PCYT1B: variants seen among roughly 807,000 people sequenced by gnomAD.
PCYT1B encodes phosphate cytidylyltransferase 1B, choline.
A neutral mutation model predicts 26.4 loss-of-function variants in PCYT1B; 10 were observed. That is an observed-to-expected ratio of 0.38 (90% CI 0.23 to 0.64). The LOEUF is 0.64. Among genes scored for constraint, PCYT1B ranks in the 30% least tolerant of loss-of-function variants. The probability of loss-of-function intolerance (pLI) is 0.56; values close to 1 mark genes in which losing one functional copy is unlikely to be tolerated. For missense variants in PCYT1B, 161 were observed against 292.7 expected (o/e 0.55, Z 3.28); for synonymous variants, 131 against 108.4 (o/e 1.21, Z -1.29).
chrX:24,576,381 G>A (rs1167445942), intron 6 of PCYT1B, among the ~76,000 whole-genome samples: 6 of 111,587 alleles, frequency 5.4e-5, no homozygotes, highest in African/African-American at 1.6e-4. Flanking sequence ...TCAGCTCACT[G>A]CAACCTCTGC....
chrX:24,656,235 G>GGA, intron 1 of PCYT1B, among the ~76,000 whole-genome samples: 1 of 99,599 alleles, frequency 1.0e-5, no homozygotes, highest in Non-Finnish European at 2.0e-5. Flanking sequence ...GTCGCGGGGG[G>GGA]GGGTGGTAAT....
chrX:24,571,894 G>A (rs1923840651), intron 7 of PCYT1B, among the ~76,000 whole-genome samples: 1 of 111,467 alleles, frequency 9.0e-6, no homozygotes. Context: ...GTTACAGTGA[G>A]TCATGATCAT....
intron 1 of PCYT1B, among the ~76,000 whole-genome samples, chrX:24,653,226 T>C (rs980828190): frequency 3.6e-5 from 4 of 111,798 alleles, no homozygotes; most frequent in African/African-American, 1.3e-4. Context: ...GTACTCTCTT[T>C]GGAGGAGATG....
intron 1 of PCYT1B, among the ~76,000 whole-genome samples, chrX:24,635,830 C>T (rs1166221414): frequency 1.8e-5 from 2 of 111,907 alleles, no homozygotes; most frequent in Non-Finnish European, 3.8e-5. Context: ...TTAATTACAG[C>T]TCTTCTATTT....
Position 24,575,310 on chromosome X carries a change from C to T in PCYT1B, c.717G>A (p.Arg239=). 18 of 1,160,632 alleles carry T rather than the reference C, an allele frequency of 1.6e-5. No individual in the cohort carries two copies. Among genetic ancestry groups the T allele is most frequent in the Non-Finnish European group, 1.8e-5 (16 of 870,656 alleles). The part of the protein sequence containing the change: ...ELNVSFINEK[R]YRFQNQVDKM... The stretch of plus-strand genomic sequence containing the variant: ...TGTCCACTTGGTTCTGGAAACGGTA[C>T]CTCTTCTCCTGGTGAAAGTTTACAG... The change falls in exon 7 of 8, where the codon AGG becomes AGA. Residue 239 remains arginine, a synonymous_variant. Transcript: ENST00000379144.
chrX:24,611,890 T>A (rs759659247), intron 2 of PCYT1B, among the ~76,000 whole-genome samples: 1 of 110,936 alleles, frequency 9.0e-6, no homozygotes, highest in African/African-American at 3.3e-5. Flanking sequence ...GGAGAATCTC[T>A]TGAACCCGGG....
chrX:24,581,695 C>T (rs183268599), intron 5 of PCYT1B, among the ~76,000 whole-genome samples: 329 of 112,437 alleles, frequency 2.9e-3, no homozygotes, highest in African/African-American at 0.01. Flanking sequence ...TTCTCGTCCT[C>T]TTCTACATTC....
chrX:24,563,136 G>A (rs1352135330), intron 7 of PCYT1B, among the ~76,000 whole-genome samples: 1 of 111,545 alleles, frequency 9.0e-6, no homozygotes, highest in Non-Finnish European at 1.9e-5. Flanking sequence ...ACGGACTGGA[G>A]GGGTGGCAGA....
intron 1 of PCYT1B, among the ~76,000 whole-genome samples, chrX:24,656,503 G>A (rs1926918088): frequency 9.4e-6 from 1 of 106,947 alleles, no homozygotes; most frequent in Non-Finnish European, 1.9e-5. Flanking sequence ...CAATTGGTTG[G>A]GGAGATGAAC....
chrX:24,664,368 C>A (rs757221354), intron 1 of PCYT1B, among the ~76,000 whole-genome samples: 35 of 111,805 alleles, frequency 3.1e-4, no homozygotes, highest in Non-Finnish European at 5.5e-4. Flanking sequence ...AATGTGATTA[C>A]TCTAGCTCTG....
chrX:24,652,297 G>A (rs1003750794), upstream of PCYT1B, among the ~76,000 whole-genome samples: 6 of 112,526 alleles, frequency 5.3e-5, no homozygotes, highest in Admixed American at 1.9e-4. Flanking sequence ...GGTGGCTCAC[G>A]CCTATAATCC....
intron 1 of PCYT1B, among the ~76,000 whole-genome samples, chrX:24,652,524 A>G (rs989160596): frequency 4.7e-5 from 5 of 107,309 alleles, no homozygotes; most frequent in African/African-American, 1.7e-4. Flanking sequence ...ACACCATTGC[A>G]CTCCAGCCTG....
At chrX:24,577,447 T>C (rs1399011686) in intron 6 of PCYT1B, among the ~76,000 whole-genome samples, 1 of 112,382 alleles carries the variant, frequency 8.9e-6, no homozygotes, top group Non-Finnish European at 1.9e-5. Context: ...GTTTAATTTA[T>C]TGAAATAACC....
Position 24,614,772 on chromosome X carries a change from T to C in PCYT1B, c.217+4213A>G, listed in dbSNP as rs1196212141. Among the ~76,000 whole-genome samples, 3 of 112,184 alleles carry C rather than the reference T, an allele frequency of 2.7e-5. No individual in the cohort carries two copies. The East Asian group carries it at 8.4e-4, about 31-fold the overall frequency. On this transcript the variant is annotated intron_variant, in intron 2 of 7. Transcript: ENST00000379144. ...CAAAAAAGTAACGTTTTTCTTGTTT[T>C]CTTAAATGGTAATCAAACAGCAAGA...
At position 24,616,759 on chromosome X, in the gene PCYT1B, GAAC is replaced by G. The variant is rs761704175; in HGVS notation, c.217+2223_217+2225del. On this transcript the variant is annotated intron_variant, in intron 2 of 7. Coordinates refer to ENST00000379144, the MANE Select transcript of PCYT1B (RefSeq NM_004845.5). ...TGATTCTTTGTACACTAAAGCCTGGGAACAACAGCTTTGGCTGCTCTGTGCTAC... is the reference window on the plus strand; with the variant it reads ...TGATTCTTTGTACACTAAAGCCTGGGAACAGCTTTGGCTGCTCTGTGCTAC... Among the ~76,000 whole-genome samples, 445 of 111,843 alleles carry G rather than the reference GAAC, an allele frequency of 4.0e-3. 1 individual carries two copies. Among genetic ancestry groups the G allele is most frequent in the Non-Finnish European group, 6.2e-3 (331 of 53,145 alleles).
At chrX:24,669,041 G>A (rs1007607822) in intron 1 of PCYT1B, among the ~76,000 whole-genome samples, 1 of 111,457 alleles carries the variant, frequency 9.0e-6, no homozygotes, top group South Asian at 3.7e-4. Flanking sequence ...AAATGAATGA[G>A]ATTTTACTGT....
At chrX:24,655,350 A>G (rs146814996) in intron 1 of PCYT1B, among the ~76,000 whole-genome samples, 1,998 of 112,528 alleles carry the variant, frequency 0.018, 46 homozygotes, top group African/African-American at 0.062. Flanking sequence ...ATCATCTAAT[A>G]TAACCCCTTA....
At chrX:24,666,339 A>G (rs1279057049) in intron 1 of PCYT1B, among the ~76,000 whole-genome samples, 1 of 111,754 alleles carries the variant, frequency 8.9e-6, no homozygotes, top group Non-Finnish European at 1.9e-5. Context: ...CAAAGGATAT[A>G]TAGAACAAGA....
intron 5 of PCYT1B, among the ~76,000 whole-genome samples, chrX:24,580,847 G>T (rs1264768873): frequency 9.0e-6 from 1 of 111,335 alleles, no homozygotes; most frequent in Non-Finnish European, 1.9e-5. Context: ...GTTTGTAGAC[G>T]TGGGCAAGTC....
Sources: gnomAD v4.1 joint callset for allele counts (sites outside exome capture counted in the v4.1 genomes callset) on GRCh38, gnomAD v4.1.1 for gene constraint, MANE v1.5 for transcripts, NCBI Gene and HGNC (gene_info 2026-07-23, HGNC 2026-07-21) for gene names.